FBXW11: variants seen among roughly 807,000 people sequenced by gnomAD.
The protein encoded by FBXW11 is F-box/WD repeat-containing protein 11.
In FBXW11, 19 loss-of-function variants were observed where a neutral mutation model predicts 77.6. The observed-to-expected ratio is 0.24, with a 90% CI of 0.17 to 0.36. The LOEUF is 0.36. Among genes scored for constraint, FBXW11 ranks in the 10% least tolerant of loss-of-function variants. The pLI, the probability that FBXW11 is intolerant of heterozygous loss-of-function variation, is 1.00. For missense variants in FBXW11, 334 were observed against 704.2 expected, an observed-to-expected ratio of 0.47 and a Z score of 5.95; for synonymous variants, 235 against 249.4, an observed-to-expected ratio of 0.94 and a Z score of 0.54.
At chr5:171,950,756 G>A (rs746321915) in intron 2 of FBXW11, among the ~76,000 whole-genome samples, 15 of 152,146 alleles carry the variant, frequency 9.9e-5, no homozygotes, top group African/African-American at 1.9e-4. Flanking sequence ...GCGTGGTGGC[G>A]CACACCTGTC....
chr5:171,930,153 T>C (rs978179083), intron 2 of FBXW11, among the ~76,000 whole-genome samples: 1 of 152,200 alleles, frequency 6.6e-6, no homozygotes, highest in African/African-American at 2.4e-5. Flanking sequence ...TTAAAAAGCG[T>C]CCTGCTAGTT....
intron 1 of FBXW11, among the ~76,000 whole-genome samples, chr5:171,968,766 C>G (rs575405039): frequency 6.6e-6 from 1 of 152,252 alleles, no homozygotes; most frequent in Admixed American, 6.5e-5. Context: ...CCAACTTCCC[C>G]TTCCCTAACA....
At chr5:171,935,473 T>G (rs1762425262) in intron 2 of FBXW11, among the ~76,000 whole-genome samples, 1 of 151,918 alleles carries the variant, frequency 6.6e-6, no homozygotes, top group Non-Finnish European at 1.5e-5. Context: ...CTGAACTACA[T>G]GTTGAAAGGG....
intron 1 of FBXW11, among the ~76,000 whole-genome samples, chr5:171,980,108 A>C (rs1765063484): frequency 6.6e-6 from 1 of 152,220 alleles, no homozygotes; most frequent in Non-Finnish European, 1.5e-5. Flanking sequence ...CAAATACTTA[A>C]GCTAAATTGT....
At chr5:171,983,660 G>A (rs981699518) in intron 1 of FBXW11, among the ~76,000 whole-genome samples, 2 of 152,174 alleles carry the variant, frequency 1.3e-5, no homozygotes, top group African/African-American at 2.4e-5. Context: ...TTTGGTCACA[G>A]AAGCCTTCTT....
At chr5:171,942,271 TC>T (rs1412470465) in intron 2 of FBXW11, among the ~76,000 whole-genome samples, 1 of 151,262 alleles carries the variant, frequency 6.6e-6, no homozygotes, top group African/African-American at 2.4e-5. Flanking sequence ...TCATCAGAGG[TC>T]CTGATAATTT....
At position 171,958,860 on chromosome 5, in the gene FBXW11, G is replaced by A. The variant is rs73329839; in HGVS notation, c.46-1162C>T. On this transcript the variant is annotated intron_variant, in intron 1 of 13. Coordinates refer to ENST00000517395, the MANE Select transcript of FBXW11 (RefSeq NM_001378974.1). ...GTCTTGGACCCAAGCTCATAAACTT[G>A]TTTGTTCTAGCTATAATTAGAATAG... Among the ~76,000 whole-genome samples, 346 of 152,232 alleles carry A rather than the reference G, an allele frequency of 2.3e-3. 1 individual carries two copies. Among genetic ancestry groups the A allele is most frequent in the African/African-American group, 7.9e-3 (327 of 41,536 alleles).
Position 171,913,832 on chromosome 5 carries a change from C to CACACACAT in FBXW11, c.210+510_210+511insATGTGTGT, listed in dbSNP as rs1554099769. 1.3e-3 allele frequency among the ~76,000 whole-genome samples: 171 copies of CACACACAT among 129,322 alleles called. 1 individual carries two copies. The highest frequency in any genetic ancestry group is 8.0e-3 in the East Asian group (35 of 4,388). 84.8% of individuals were successfully genotyped at this position (129,322 alleles called of 152,430 possible). ...CCACACACACATACACACACACACA[C>CACACACAT]ACACACACACACACACACACACACA... is the stretch of plus-strand genomic sequence containing the variant. On this transcript the variant is annotated intron_variant, in intron 3 of 13. Coordinates refer to ENST00000517395, the MANE Select transcript of FBXW11 (RefSeq NM_001378974.1).
intron 2 of FBXW11, among the ~76,000 whole-genome samples, chr5:171,918,524 G>C (rs1420573927): frequency 2.0e-5 from 3 of 152,140 alleles, no homozygotes; most frequent in African/African-American, 7.2e-5. Context: ...CAACACTTAT[G>C]AGAAGGAAAA....
At chr5:171,914,698 C>A (rs1761115145) in intron 2 of FBXW11, among the ~76,000 whole-genome samples, 1 of 152,182 alleles carries the variant, frequency 6.6e-6, no homozygotes, top group East Asian at 1.9e-4. Flanking sequence ...CAACCTCCGT[C>A]ATCACTGTTT....
chr5:171,905,597 C>CCG (rs1561669467), intron 4 of FBXW11, among the ~76,000 whole-genome samples: 2 of 102,304 alleles, frequency 2.0e-5, no homozygotes, highest in South Asian at 5.5e-4. Flanking sequence ...TAACCCCCCC[C>CCG]CCTTTATTTT....
intron 10 of FBXW11, among the ~76,000 whole-genome samples, chr5:171,872,299 T>TTTAGTCAC (rs1265355457): frequency 1.3e-5 from 2 of 152,212 alleles, no homozygotes; most frequent in Non-Finnish European, 2.9e-5. Context: ...CAAAGTTAAG[T>TTTAGTCAC]TTAGTCACTT....
chr5:171,933,130 CAAAAAAAAA>C (rs774171489), intron 2 of FBXW11, among the ~76,000 whole-genome samples: 3 of 36,814 alleles, frequency 8.1e-5, no homozygotes, highest in East Asian at 8.5e-4. Flanking sequence ...GACCTTCTCT[CAAAAAAAAA>C]AAAAAAAAAA....
chr5:171,958,667 T>C (rs1763742237), intron 1 of FBXW11, among the ~76,000 whole-genome samples: 1 of 152,258 alleles, frequency 6.6e-6, no homozygotes, highest in Non-Finnish European at 1.5e-5. Context: ...ACATATGTAC[T>C]ACGGCTACTA....
At chr5:171,996,056 T>A (rs1390519518) in intron 1 of FBXW11, among the ~76,000 whole-genome samples, 2 of 152,146 alleles carry the variant, frequency 1.3e-5, no homozygotes, top group Non-Finnish European at 2.9e-5. Context: ...AGGTGAAGCA[T>A]TGTGCCAATT....
At chr5:171,926,949 A>G (rs913342085) in intron 2 of FBXW11, among the ~76,000 whole-genome samples, 2 of 152,196 alleles carry the variant, frequency 1.3e-5, no homozygotes, top group African/African-American at 2.4e-5. Context: ...CTTTTAAATA[A>G]AAGACTCTAT....
chr5:171,929,364 G>C lies in FBXW11; in HGVS notation c.148-14959C>G, dbSNP rs1300627030. Reference sequence around the variant, plus strand: ...CAGCCTGGGTGACAGAGTGAGACCTGTCTCAAAAAAAAATAATAATAAACC... The same window carrying C: ...CAGCCTGGGTGACAGAGTGAGACCTCTCTCAAAAAAAAATAATAATAAACC... On this transcript the variant is annotated intron_variant, in intron 2 of 13. Coordinates refer to ENST00000517395, the MANE Select transcript of FBXW11 (RefSeq NM_001378974.1). Among the ~76,000 whole-genome samples, 5 of 151,396 alleles carry C rather than the reference G, an allele frequency of 3.3e-5. No individual in the cohort carries two copies. In the South Asian group the frequency reaches 1.0e-3, roughly 32 times the overall value.
At chr5:171,878,567 T>C (rs1199985948) in intron 7 of FBXW11, among the ~76,000 whole-genome samples, 1 of 62,008 alleles carries the variant, frequency 1.6e-5, no homozygotes, top group Non-Finnish European at 4.2e-5. Flanking sequence ...TGTGAGTGTG[T>C]GTGTGTGTGT....
At chr5:171,994,424 A>T (rs918560182) in intron 1 of FBXW11, among the ~76,000 whole-genome samples, 4 of 152,094 alleles carry the variant, frequency 2.6e-5, no homozygotes, top group Non-Finnish European at 5.9e-5. Flanking sequence ...AAAATCCAAA[A>T]CGTTTTGAGT....
Sources: gnomAD v4.1 joint callset for allele counts (sites outside exome capture counted in the v4.1 genomes callset) on GRCh38, gnomAD v4.1.1 for gene constraint, MANE v1.5 for transcripts, NCBI Gene and HGNC (gene_info 2026-07-23, HGNC 2026-07-21) for gene names.